Variants in WDR59 observed in about 807,000 individuals in gnomAD.
The protein encoded by WDR59 is GATOR2 complex protein WDR59.
Under a neutral mutation model 131.2 loss-of-function variants are expected in WDR59, and 100 were observed. The ratio of observed to expected loss-of-function variants is 0.76; its 90% CI spans 0.65 to 0.90. WDR59 has a LOEUF of 0.90. WDR59 is among the 40% of genes least tolerant of loss of function. WDR59 has a pLI of 0.00. For synonymous variants in WDR59, 601 were observed against 466.2 expected (o/e 1.29, Z -3.72); for missense variants, 1,203 against 1,262.2 (o/e 0.95, Z 0.71).
In WDR59 at chr16:74,872,783, G is replaced by C. The variant is rs1022605872; in HGVS notation, c.*1426C>G. 1 of 152,228 alleles carries C rather than the reference G, an allele frequency of 6.6e-6. No homozygotes were observed. The highest frequency in any genetic ancestry group is 2.4e-5 in the African/African-American group (1 of 41,414). The allele number at this position is 152,228 out of a possible 1,614,324, so 9.4% of individuals were successfully genotyped here. ...GGGTCTCACTCTGTTGCCCAGGCTG[G>C]AGTGCAGCGGTGCAATCAAGGCTCA... On this transcript the variant is annotated 3_prime_UTR_variant, in exon 26 of 26. Coordinates refer to ENST00000262144, the MANE Select transcript of WDR59 (RefSeq NM_030581.4).
intron 16 of WDR59, 60 bp downstream of exon 16, chr16:74,909,441 C>T (rs1231730740): frequency 6.7e-7 from 1 of 1,487,406 alleles, no homozygotes; most frequent in African/African-American, 1.4e-5. Context: ...TATACAGAAT[C>T]TATGACATTC....
chr16:74,876,198 G>T (rs1000233380), intron 25 of WDR59, among the ~76,000 whole-genome samples: 3 of 152,150 alleles, frequency 2.0e-5, no homozygotes, highest in Non-Finnish European at 4.4e-5. Flanking sequence ...GTACCTAAGG[G>T]CATATTTTAT....
chr16:74,882,542 G>A (rs1203239983), intron 25 of WDR59, among the ~76,000 whole-genome samples: 2 of 152,110 alleles, frequency 1.3e-5, no homozygotes, highest in South Asian at 2.1e-4. Flanking sequence ...AGACCAGCCT[G>A]GCCAACATAG....
At chr16:74,984,144 G>C (rs1223697206) in intron 1 of WDR59, among the ~76,000 whole-genome samples, 3 of 152,018 alleles carry the variant, frequency 2.0e-5, no homozygotes, top group Non-Finnish European at 4.4e-5. Flanking sequence ...GGGCGTGGTG[G>C]TGCGCACCTG....
In WDR59 at chr16:74,942,588, T is replaced by C. The variant is rs16950763; in HGVS notation, c.534+150A>G. On this transcript the variant is annotated intron_variant, in intron 7 of 25. Coordinates refer to ENST00000262144, the MANE Select transcript of WDR59 (RefSeq NM_030581.4). ...TCAACACTGGATTGAGACGCAAATA[T>C]CGTCTGGTACTATGAGCTTAAAATG... 0.01 allele frequency: 6,566 copies of C among 651,124 alleles called. 208 individuals carry two copies. The highest frequency in any genetic ancestry group is 0.065 in the African/African-American group (3,426 of 52,890). The allele number at this position is 651,124 out of a possible 1,614,324, so 40.3% of individuals were successfully genotyped here.
intron 1 of WDR59, among the ~76,000 whole-genome samples, chr16:74,981,660 A>ATATATTT (rs1567451007): frequency 1.2e-5 from 1 of 80,862 alleles, no homozygotes; most frequent in African/African-American, 7.4e-5. Flanking sequence ...ATATATATAT[A>ATATATTT]TTTTTTTTTT....
At chr16:74,905,635 T>C (rs12596221) in intron 17 of WDR59, among the ~76,000 whole-genome samples, 53,590 of 151,262 alleles carry the variant, frequency 0.35, 9,553 homozygotes, top group Middle Eastern at 0.4. Context: ...TGAGCCAAGA[T>C]TGCACCACTG....
chr16:74,952,675 C>A (rs1397715786), intron 3 of WDR59, among the ~76,000 whole-genome samples: 3 of 151,290 alleles, frequency 2.0e-5, no homozygotes, highest in African/African-American at 7.3e-5. Context: ...GCAAAGGCTC[C>A]CGACATATCA....
At chr16:74,885,506 C>A in intron 25 of WDR59, 147 bp downstream of exon 25, 1 of 536,126 alleles carries the variant, frequency 1.9e-6, no homozygotes, top group Non-Finnish European at 2.8e-6. Flanking sequence ...AAGGGCTTTT[C>A]AGATGCTTGG....
At position 74,909,907 on chromosome 16, in the gene WDR59, T is replaced by C. The variant is rs762971369; in HGVS notation, c.1400A>G (p.Asp467Gly). 1.2e-6 allele frequency: 2 copies of C among 1,610,222 alleles called. No homozygotes were observed. Among genetic ancestry groups the C allele is most frequent in the South Asian group, 2.2e-5 (2 of 90,438 alleles). ...MKAKLLKILK[D>G]TALQKVKRGQ... ...ACGCTTCACTTTCTGCAGGGCTGTG[T>C]CCTTCAGGATCTAGAAAAGGCCCAA... is the stretch of plus-strand genomic sequence containing the variant. The change falls in exon 15 of 26, where the codon GAC becomes GGC. Residue 467 changes from aspartate (D) to glycine (G), a missense_variant. Physicochemically the swap from Asp to Gly is moderately conservative, Grantham distance 94. Transcript: ENST00000262144.
Position 74,888,276 on chromosome 16 carries a change from T to C in WDR59, c.2239A>G (p.Met747Val). The C allele has an allele frequency of 6.2e-7, 1 of 1,613,954 alleles. No individual in the cohort carries two copies. Among genetic ancestry groups the C allele is most frequent in the Non-Finnish European group, 8.5e-7 (1 of 1,179,936 alleles). The change falls in exon 22 of 26, where the codon ATG becomes GTG. Residue 747 changes from methionine (M) to valine (V), a missense_variant. Physicochemically the swap from Met to Val is conservative, Grantham distance 21. Coordinates refer to ENST00000262144, the MANE Select transcript of WDR59 (RefSeq NM_030581.4). ...CRLRDVQTLA[M>V]LCSVFEAQSR... Reference sequence around the variant, plus strand: ...TGGGCTTCAAACACGCTACAGAGCATCGCCAGTGTCTGAACATCCCGGAGC... The same window carrying C: ...TGGGCTTCAAACACGCTACAGAGCACCGCCAGTGTCTGAACATCCCGGAGC...
chr16:74,900,239 G>C lies in WDR59; in HGVS notation c.1866+3708C>G, dbSNP rs546840429. On this transcript the variant is annotated intron_variant, in intron 18 of 25. Transcript: ENST00000262144. ...CCAAATTTTTTCTGGTAAGTGTTTG[G>C]GGGGTGATGAGGGAATTGGGTGTCT... Among the ~76,000 whole-genome samples the C allele has an allele frequency of 5.3e-5, 8 of 152,174 alleles. No homozygotes were observed. The South Asian group carries it at 1.7e-3, about 32-fold the overall frequency.
chr16:74,977,070 T>A lies in WDR59; in HGVS notation c.54+7894A>T, dbSNP rs151236211. On this transcript the variant is annotated intron_variant, in intron 1 of 25. Transcript: ENST00000262144. ...AACTGCATTAAAATTAAAGTTCTGT[T>A]CATCAAAAGACAGCACATAGCTGGG... 1.2e-4 allele frequency among the ~76,000 whole-genome samples: 18 copies of A among 152,134 alleles called. No individual in the cohort carries two copies. In the East Asian group the frequency reaches 3.5e-3, roughly 29 times the overall value.
intron 1 of WDR59, among the ~76,000 whole-genome samples, chr16:74,974,857 G>A (rs751021692): frequency 1.3e-5 from 2 of 152,170 alleles, no homozygotes; most frequent in African/African-American, 2.4e-5. Context: ...TACTGTGTGC[G>A]TCTACAGTGA....
chr16:74,973,273 G>A, intron 1 of WDR59, among the ~76,000 whole-genome samples: 1 of 110,116 alleles, frequency 9.1e-6, no homozygotes, highest in East Asian at 3.5e-4. Context: ...GAACACTGCT[G>A]CCAAAGCTGG....
chr16:74,912,044 A>C (rs559393090), intron 14 of WDR59, 154 bp downstream of exon 14: 5 of 999,332 alleles, frequency 5.0e-6, no homozygotes, highest in Admixed American at 5.2e-5. Flanking sequence ...GCACAAAGTA[A>C]ATGGCAAGTT....
chr16:74,874,475 A>G (rs1382845115), intron 25 of WDR59, 31 bp from the exon 26 acceptor site: 1 of 1,601,444 alleles, frequency 6.2e-7, no homozygotes, highest in African/African-American at 1.3e-5. Context: ...GCAAAACAAG[A>G]GGCAGCATGA....
chr16:74,928,330 C>T (rs2031057361), intron 8 of WDR59, among the ~76,000 whole-genome samples: 1 of 151,526 alleles, frequency 6.6e-6, no homozygotes, highest in South Asian at 2.1e-4. Context: ...CTTCCTGCCT[C>T]AGCAGCCTTG....
At chr16:74,883,506 T>C (rs1964615906) in intron 25 of WDR59, among the ~76,000 whole-genome samples, 1 of 152,210 alleles carries the variant, frequency 6.6e-6, no homozygotes, top group South Asian at 2.1e-4. Flanking sequence ...ACATTACTTC[T>C]TGTACAATTA....
Sources: allele counts gnomAD v4.1 joint callset (sites outside exome capture counted in the v4.1 genomes callset), GRCh38; gene constraint gnomAD v4.1.1; transcripts MANE v1.5; gene names NCBI Gene and HGNC (gene_info 2026-07-23, HGNC 2026-07-21).